SYTL2: variants seen among roughly 807,000 people sequenced by gnomAD.
SYTL2 encodes synaptotagmin-like protein 2.
SYTL2 carries 165 observed loss-of-function variants against 198.7 expected under a neutral mutation model. The ratio of observed to expected loss-of-function variants is 0.83; its 90% CI spans 0.73 to 0.94. The LOEUF is 0.94. SYTL2 is among the 40% of genes least tolerant of loss of function. The pLI, the probability that SYTL2 is intolerant of heterozygous loss-of-function variation, is 0.00. For synonymous variants in SYTL2, 966 were observed against 917.7 expected, an observed-to-expected ratio of 1.05 and a Z score of -0.95; for missense variants, 2,835 against 2,582.8, an observed-to-expected ratio of 1.10 and a Z score of -2.12.
At chr11:85,708,032 G>C in intron 14 of SYTL2, 1 of 359,624 alleles carries the variant, frequency 2.8e-6, no homozygotes. Context: ...GTGTGGTGAT[G>C]CATGCCTGTA....
chr11:85,743,292 T>C (rs1024227678), intron 4 of SYTL2, among the ~76,000 whole-genome samples: 7 of 152,312 alleles, frequency 4.6e-5, no homozygotes, highest in African/African-American at 1.4e-4. Flanking sequence ...AGTAAGGTAG[T>C]AGTTTCTAAT....
chr11:85,745,838 C>G, intron 3 of SYTL2, 66 bp from the exon 4 acceptor site: 1 of 1,505,560 alleles, frequency 6.6e-7, no homozygotes, highest in African/African-American at 1.4e-5. Flanking sequence ...ACTCTCTTAT[C>G]AGCTCTTATC....
the SYTL2 span, among the ~76,000 whole-genome samples, chr11:85,833,384 T>A: frequency 6.8e-6 from 1 of 147,562 alleles, no homozygotes; most frequent in African/African-American, 2.5e-5. Context: ...ATATATCTCA[T>A]ATATATATCA....
the SYTL2 span, among the ~76,000 whole-genome samples, chr11:85,833,084 AAAGAAAGAAAGAAAGAAGG>A: frequency 1.7e-5 from 1 of 58,062 alleles, no homozygotes; most frequent in African/African-American, 5.9e-5. Flanking sequence ...AGAAAGAAAG[AAAGAAAGAAAGAAAGAAGG>A]AAGGAAGGAA....
At chr11:85,755,811 GCTGA>G (rs1435799006) in intron 2 of SYTL2, among the ~76,000 whole-genome samples, 6 of 152,150 alleles carry the variant, frequency 3.9e-5, no homozygotes, top group African/African-American at 1.2e-4. Context: ...CTCCTCGTAA[GCTGA>G]CTATCTAGAG....
At chr11:85,778,315 A>G (rs2092495254) in intron 1 of SYTL2, among the ~76,000 whole-genome samples, 1 of 152,220 alleles carries the variant, frequency 6.6e-6, no homozygotes, top group Non-Finnish European at 1.5e-5. Context: ...ATTAGCAAGC[A>G]GTGGGGATGG....
In SYTL2 at chr11:85,726,918, T is replaced by C. The variant is rs1253608063; in HGVS notation, c.2440A>G (p.Thr814Ala). 2 of 1,536,424 alleles carry C rather than the reference T, an allele frequency of 1.3e-6. No individual in the cohort carries two copies. The highest frequency in any genetic ancestry group is 3.9e-5 in the Admixed American group (2 of 50,968). The change falls in exon 8 of 20, where the codon ACA becomes GCA. Residue 814 changes from threonine to alanine, a missense_variant. Transcript: ENST00000359152. ...GGTTGTTCCTGGCTACATGAAGATG[T>C]GGGTTTTTCATGAGTTATCTTAGCA... Reference protein sequence around the residue: ...AGAKITHEKPTSSCSQEQPSA... With the variant: ...AGAKITHEKPASSCSQEQPSA...
rs1476044913 is a variant in SYTL2, at chr11:85,787,820, G to A, written c.-390+23134C>T. Among the ~76,000 whole-genome samples, 5 of 151,292 alleles carry A rather than the reference G, an allele frequency of 3.3e-5. No individual in the cohort carries two copies. In the East Asian group the frequency reaches 9.7e-4, roughly 29 times the overall value. ...GGCCTCTAAGAATGGTGGGCTAGAG[G>A]TATGGAAAGGAAGGAGAAGGGGCCT... On this transcript the variant is annotated intron_variant, in intron 1 of 19. Coordinates refer to ENST00000359152, the MANE Select transcript of SYTL2 (RefSeq NM_206927.4).
At chr11:85,842,716 C>G in the SYTL2 span, among the ~76,000 whole-genome samples, 9 of 152,178 alleles carry the variant, frequency 5.9e-5, no homozygotes, top group African/African-American at 2.2e-4. Context: ...TCAGCCATGT[C>G]AGAAACTCTT....
the SYTL2 span, among the ~76,000 whole-genome samples, chr11:85,846,028 G>A: frequency 1.3e-5 from 2 of 152,240 alleles, no homozygotes; most frequent in Non-Finnish European, 2.9e-5. Context: ...GGCTTCAACT[G>A]AGATTAACTC....
chr11:85,717,754 C>T, intron 10 of SYTL2: 1 of 573,828 alleles, frequency 1.7e-6, no homozygotes. Context: ...AGATACGGAG[C>T]ATCCTTCCTG....
At chr11:85,827,632 A>C in the SYTL2 span, among the ~76,000 whole-genome samples, 1 of 152,142 alleles carries the variant, frequency 6.6e-6, no homozygotes, top group Non-Finnish European at 1.5e-5. Flanking sequence ...ACAGTGCCTT[A>C]TAAATAGTAA....
Position 85,711,162 on chromosome 11 carries a change from C to T in SYTL2, c.5696G>A (p.Ser1899Asn). The change falls in exon 13 of 20, where the codon AGC (serine) becomes AAC (asparagine). Residue 1899 changes from serine (S) to asparagine (N), a missense_variant. Transcript: ENST00000359152. The part of the protein sequence containing the change: ...YQLSRHKKSP[S>N]SLTNLSSSSG... ...GGAGCTGCTAAGATTGGTTAAAGAG[C>T]TCGGGCTCTTCTTGTGTCTGCTGAG... 14 of 1,614,068 alleles carry T rather than the reference C, an allele frequency of 8.7e-6. No individual in the cohort carries two copies. Among genetic ancestry groups the T allele is most frequent in the Non-Finnish European group, 1.2e-5 (14 of 1,179,974 alleles).
In SYTL2 at chr11:85,734,028, G is replaced by T. The variant is rs2090098403; in HGVS notation, c.1301C>A (p.Ser434Tyr). The T allele has an allele frequency of 1.2e-6, 2 of 1,613,898 alleles. No individual in the cohort carries two copies. The highest frequency in any genetic ancestry group is 2.2e-5 in the South Asian group (2 of 91,084). The change falls in exon 7 of 20, where the codon TCT becomes TAT. Residue 434 changes from serine (S) to tyrosine (Y), a missense_variant. Around this residue, in one of 3 missense-constraint regions of SYTL2, gnomAD observed 2,645 missense variants for 2,381.7 expected, o/e 1.11. Coordinates refer to ENST00000359152, the MANE Select transcript of SYTL2 (RefSeq NM_206927.4). ...HSEVLTARPQ[S>Y]MENSPTINEP... ...ATTGATGGTTGGTGAATTCTCCATA[G>T]ACTGTGGTCTTGCAGTTAAAACTTC...
chr11:85,851,096 C>A, the SYTL2 span, among the ~76,000 whole-genome samples: 2 of 151,522 alleles, frequency 1.3e-5, no homozygotes, highest in African/African-American at 4.9e-5. Context: ...TTAGTGGGTG[C>A]AGCGCACCAG....
At chr11:85,735,941 T>C (rs1046961816) in intron 6 of SYTL2, among the ~76,000 whole-genome samples, 3 of 152,226 alleles carry the variant, frequency 2.0e-5, no homozygotes, top group Admixed American at 6.5e-5. Flanking sequence ...TTAATGCTTG[T>C]GGAATCTTCT....
rs1413338097 is a variant in SYTL2, at chr11:85,734,779, G to A, written c.587-37C>T. 2.8e-6 allele frequency: 4 copies of A among 1,420,842 alleles called. 1 individual carries two copies. Among genetic ancestry groups the A allele is most frequent in the African/African-American group, 1.4e-5 (1 of 69,414 alleles). The allele number at this position is 1,420,842 out of a possible 1,614,324, so 88.0% of individuals were successfully genotyped here. ...AACACAGTAGGTGATATATCATATA[G>A]AGAGTAATATATAATTTAAAATACC... On this transcript the variant is annotated intron_variant, in intron 6 of 19. Coordinates refer to ENST00000359152, the MANE Select transcript of SYTL2 (RefSeq NM_206927.4).
At chr11:85,735,101 T>C (rs2090204036) in intron 6 of SYTL2, among the ~76,000 whole-genome samples, 1 of 152,206 alleles carries the variant, frequency 6.6e-6, no homozygotes, top group Non-Finnish European at 1.5e-5. Flanking sequence ...TGTACCATTC[T>C]CATGAGGAAT....
At chr11:85,777,527 G>C (rs891243986) in intron 1 of SYTL2, among the ~76,000 whole-genome samples, 3 of 151,898 alleles carry the variant, frequency 2.0e-5, no homozygotes, top group African/African-American at 7.3e-5. Context: ...GGAGAGGAGG[G>C]GAATGGCTAG....
Sources: gnomAD v4.1 joint callset for allele counts (sites outside exome capture counted in the v4.1 genomes callset) on GRCh38, gnomAD v4.1.1 for gene constraint, gnomAD v4.1.1 regional missense constraint, MANE v1.5 for transcripts, NCBI Gene and HGNC (gene_info 2026-07-23, HGNC 2026-07-21) for gene names.